The following DPCD variants were observed in gnomAD, a reference collection of about 807,000 sequenced individuals.
DPCD encodes the protein protein DPCD.
Under a neutral mutation model 26.4 loss-of-function variants are expected in DPCD, and 20 were observed. That is an observed-to-expected ratio of 0.76 (90% CI 0.53 to 1.10). The LOEUF (loss-of-function observed/expected upper bound fraction) is 1.10. Among genes scored for constraint, DPCD ranks in the 50% least tolerant of loss-of-function variants. DPCD has a pLI of 0.00. For missense variants in DPCD, 202 were observed against 253.9 expected (o/e 0.80, Z 1.39); for synonymous variants, 97 against 94.2 (o/e 1.03, Z -0.17).
Position 101,608,875 on chromosome 10 carries a change from C to T in DPCD, c.445C>T (p.Gln149Ter). ...CTCCATTCCTGATCTAGATAGACAC[C>T]AGCTACCTCTGGATGACGCCTTGCT... is the stretch of plus-strand genomic sequence containing the variant. ...KFSIPDLDRH[Q>*]LPLDDALLSF... is the part of the protein sequence containing the mutation. The change falls in exon 5 of 6, where the codon CAG (glutamine) becomes TAG (stop). Residue 149 changes from glutamine (Q) to a stop codon, truncating the protein, a stop_gained. Transcript: ENST00000370151. LOFTEE classifies it high-confidence loss of function. 6.2e-7 allele frequency: 1 copy of T among 1,613,818 alleles called. No homozygotes were observed. The highest frequency in any genetic ancestry group is 8.5e-7 in the Non-Finnish European group (1 of 1,179,938).
intron 2 of DPCD, among the ~76,000 whole-genome samples, chr10:101,598,261 A>G (rs2063667868): frequency 6.6e-6 from 1 of 152,282 alleles, no homozygotes; most frequent in East Asian, 1.9e-4. Context: ...ATCCAGCCCT[A>G]GGTCGTGAGG....
chr10:101,606,528 G>T (rs1270279880), intron 4 of DPCD, among the ~76,000 whole-genome samples: 2 of 152,054 alleles, frequency 1.3e-5, no homozygotes, highest in African/African-American at 4.8e-5. Flanking sequence ...TGTTGCCCAG[G>T]CTGGTCTTGA....
At position 101,600,597 on chromosome 10, in the gene DPCD, G is replaced by A; in HGVS notation, c.146-141G>A. 1 of 1,300,626 alleles carries A rather than the reference G, an allele frequency of 7.7e-7. No homozygotes were observed. The highest frequency in any genetic ancestry group is 1.0e-6 in the Non-Finnish European group (1 of 957,584). The allele number at this position is 1,300,626 out of a possible 1,614,324, so 80.6% of individuals were successfully genotyped here. On this transcript the variant is annotated intron_variant, in intron 2 of 5. Coordinates refer to ENST00000370151, the MANE Select transcript of DPCD (RefSeq NM_015448.3). This position sits in a 1 kb window ranked among gnomAD's most constrained non-coding sequence, Gnocchi z 4.7. ...CCTCCTTAGATTAACAAAGCTGAGA[G>A]TAAAGGCCCAACACTCCCACTTTCA... is the stretch of plus-strand genomic sequence containing the variant.
At chr10:101,595,109 GT>G (rs991104935) in intron 2 of DPCD, among the ~76,000 whole-genome samples, 3 of 152,088 alleles carry the variant, frequency 2.0e-5, no homozygotes, top group Non-Finnish European at 4.4e-5. Context: ...TTTTTTGTTT[GT>G]TTGTTTTGTT....
chr10:101,591,217 T>A (rs2063604670), intron 1 of DPCD, among the ~76,000 whole-genome samples: 1 of 152,222 alleles, frequency 6.6e-6, no homozygotes, highest in African/African-American at 2.4e-5. Context: ...TATTTATTCA[T>A]CTGTTGATGG....
At chr10:101,609,234 A>C in intron 5 of DPCD, 133 bp from the exon 6 acceptor site, 1 of 840,558 alleles carries the variant, frequency 1.2e-6, no homozygotes, top group Non-Finnish European at 1.9e-6. Context: ...GACCTTGAGC[A>C]AATCATTCAA....
At chr10:101,607,591 G>T (rs900549630) in intron 4 of DPCD, among the ~76,000 whole-genome samples, 1 of 152,174 alleles carries the variant, frequency 6.6e-6, no homozygotes, top group Non-Finnish European at 1.5e-5. Context: ...GGGGGCAGAA[G>T]TGCTGCATTG....
At chr10:101,594,243 T>C (rs1354603825) in intron 1 of DPCD, among the ~76,000 whole-genome samples, 1 of 152,184 alleles carries the variant, frequency 6.6e-6, no homozygotes, top group Non-Finnish European at 1.5e-5. Context: ...TGGTATGTAG[T>C]AAATGCTCCA....
intron 1 of DPCD, among the ~76,000 whole-genome samples, chr10:101,590,063 GA>G (rs34473619): frequency 0.06 from 7,042 of 117,194 alleles, 230 homozygotes; most frequent in Non-Finnish European, 0.077. Context: ...AAAAAAACTG[GA>G]AAAAAAAAAA....
At chr10:101,606,168 G>T (rs555800950) in intron 4 of DPCD, among the ~76,000 whole-genome samples, 6 of 152,286 alleles carry the variant, frequency 3.9e-5, no homozygotes, top group African/African-American at 1.4e-4. Context: ...ATATGGCCTT[G>T]TTCCTTTTTT....
chr10:101,597,627 C>G (rs1320430567), intron 2 of DPCD, among the ~76,000 whole-genome samples: 13 of 152,214 alleles, frequency 8.5e-5, no homozygotes, highest in Non-Finnish European at 1.5e-5. Context: ...GACTCTTCAC[C>G]GGGGTGGAAA....
Position 101,601,357 on chromosome 10 carries a change from C to T in DPCD, c.404+21C>T, listed in dbSNP as rs1338605718. ...AAGAAGTGAGTAGCGTGGAAGGCAC[C>T]CTGTGTGCTTGTGTATGAGCGGGGT... is the stretch of plus-strand genomic sequence containing the variant. On this transcript the variant is annotated intron_variant, in intron 4 of 5. Coordinates refer to ENST00000370151, the MANE Select transcript of DPCD (RefSeq NM_015448.3). 5 of 1,612,708 alleles carry T rather than the reference C, an allele frequency of 3.1e-6. No homozygotes were observed. In the South Asian group the frequency reaches 4.4e-5, roughly 14 times the overall value.
chr10:101,605,851 G>A (rs1270781748), intron 4 of DPCD, among the ~76,000 whole-genome samples: 8 of 152,118 alleles, frequency 5.3e-5, no homozygotes, highest in African/African-American at 7.2e-5. Context: ...ACTTTAATAC[G>A]GGCTTCTCTG....
chr10:101,601,099 G>T (rs2063694182), intron 3 of DPCD, 104 bp from the exon 4 acceptor site: 1 of 1,548,272 alleles, frequency 6.5e-7, no homozygotes, highest in Admixed American at 1.8e-5. Context: ...GGGGAGCAGT[G>T]GAGAAGAGCT....
intron 1 of DPCD, among the ~76,000 whole-genome samples, chr10:101,593,187 C>T (rs1030735735): frequency 2.6e-5 from 4 of 152,152 alleles, no homozygotes; most frequent in Admixed American, 6.6e-5. Flanking sequence ...GCAAGACCCC[C>T]TCAGCTCCTC....
Position 101,598,979 on chromosome 10 carries a change from T to G in DPCD, c.146-1759T>G, listed in dbSNP as rs2063673553. Among the ~76,000 whole-genome samples, 4 of 152,196 alleles carry G rather than the reference T, an allele frequency of 2.6e-5. No individual in the cohort carries two copies. In the South Asian group the frequency reaches 8.3e-4, roughly 31 times the overall value. On this transcript the variant is annotated intron_variant, in intron 2 of 5. Coordinates refer to ENST00000370151, the MANE Select transcript of DPCD (RefSeq NM_015448.3). ...TAAAATCTGTGATGGTTGTGTTCTA[T>G]TATAAAGTGGCACCATTGGAGTCTA... is the stretch of plus-strand genomic sequence containing the variant.
At chr10:101,590,077 AAAAAG>A (rs1170816041) in intron 1 of DPCD, among the ~76,000 whole-genome samples, 1 of 151,966 alleles carries the variant, frequency 6.6e-6, no homozygotes, top group African/African-American at 2.4e-5. Flanking sequence ...AAAAAAAAAA[AAAAAG>A]AATTAATAGG....
intron 1 of DPCD, among the ~76,000 whole-genome samples, chr10:101,591,985 C>T (rs919241349): frequency 5.3e-5 from 8 of 151,956 alleles, no homozygotes; most frequent in African/African-American, 1.9e-4. Flanking sequence ...CTCGCCCAGC[C>T]CATAATTTAT....
intron 1 of DPCD, among the ~76,000 whole-genome samples, chr10:101,591,583 G>C (rs1160564823): frequency 3.3e-5 from 5 of 151,864 alleles, no homozygotes; most frequent in Admixed American, 1.3e-4. Context: ...TGGATAATGA[G>C]ACTCCATTTT....
Sources: gnomAD v4.1 joint callset for allele counts (sites outside exome capture counted in the v4.1 genomes callset) on GRCh38, gnomAD v4.1.1 for gene constraint, Gnocchi (gnomAD v3.1) non-coding constraint, MANE v1.5 for transcripts, NCBI Gene and HGNC (gene_info 2026-07-23, HGNC 2026-07-21) for gene names.